HYKK: variants seen among roughly 807,000 people sequenced by gnomAD.
HYKK encodes 5-hydroxy-L-lysine kinase.
In HYKK, 19 loss-of-function variants were observed where a neutral mutation model predicts 29.7. That is an observed-to-expected ratio of 0.64 (90% CI 0.45 to 0.94). The LOEUF is 0.94. Among genes scored for constraint, HYKK ranks in the 40% least tolerant of loss-of-function variants. HYKK has a pLI of 0.00. For synonymous variants in HYKK, 152 were observed against 158.1 expected, an observed-to-expected ratio of 0.96 and a Z score of 0.29; for missense variants, 390 against 443.4, an observed-to-expected ratio of 0.88 and a Z score of 1.08.
chr15:78,529,044 C>T (rs1178458920), intron 4 of HYKK, among the ~76,000 whole-genome samples: 1 of 152,114 alleles, frequency 6.6e-6, no homozygotes, highest in African/African-American at 2.4e-5. Context: ...TCACTTTGTG[C>T]TTTCTCTCAT....
At chr15:78,523,026 A>T (rs1453444763) in intron 3 of HYKK, among the ~76,000 whole-genome samples, 1 of 152,248 alleles carries the variant, frequency 6.6e-6, no homozygotes, top group African/African-American at 2.4e-5. Flanking sequence ...TTAGAGAGGC[A>T]GAGGCAGATT....
Position 78,533,572 on chromosome 15 carries a change from T to G in HYKK, c.1024T>G (p.Trp342Gly), listed in dbSNP as rs2052333620. ...DYLMVTAKTG[W>G]KHLQQMFDMG... ...TCTCATGGTTACTGCAAAAACCGGG[T>G]GGAAACACTTACAGCAAATGTTTGA... Residue 342 changes from tryptophan (W) to glycine (G), a missense_variant, in exon 5 of 5, where the codon TGG becomes GGG. Transcript: ENST00000388988. The G allele has an allele frequency of 6.2e-7, 1 of 1,614,166 alleles. No homozygotes were observed. The highest frequency in any genetic ancestry group is 8.5e-7 in the Non-Finnish European group (1 of 1,180,014).
At chr15:78,522,434 C>T (rs2052206411) in intron 3 of HYKK, among the ~76,000 whole-genome samples, 1 of 150,534 alleles carries the variant, frequency 6.6e-6, no homozygotes, top group African/African-American at 2.4e-5. Context: ...TGGTGTGTGC[C>T]TGTAATCCCA....
intron 3 of HYKK, among the ~76,000 whole-genome samples, chr15:78,517,405 C>G (rs143451221): frequency 6.6e-6 from 1 of 151,952 alleles, no homozygotes; most frequent in Admixed American, 6.6e-5. Context: ...ATGGCAAAAC[C>G]CTGTCTCTAC....
Position 78,533,307 on chromosome 15 carries a change from C to T in HYKK, c.759C>T (p.Asp253=). 4.3e-6 allele frequency: 7 copies of T among 1,614,090 alleles called. No individual in the cohort carries two copies. Among genetic ancestry groups the T allele is most frequent in the Non-Finnish European group, 5.9e-6 (7 of 1,179,924 alleles). Residue 253 remains aspartate (D), a synonymous_variant, in exon 5 of 5, where the codon GAC becomes GAT. Coordinates refer to ENST00000388988, the MANE Select transcript of HYKK (RefSeq NM_001013619.4). The part of the protein sequence containing the change: ...NAEYQVSGIL[D]FGDMSYGYYV... ...AATATCAAGTGTCTGGGATTTTAGACTTTGGTGACATGAGCTATGGCTACT... is the reference window on the plus strand; with the variant it reads ...AATATCAAGTGTCTGGGATTTTAGATTTTGGTGACATGAGCTATGGCTACT...
chr15:78,531,433 A>G (rs988270336), intron 4 of HYKK, among the ~76,000 whole-genome samples: 6 of 152,140 alleles, frequency 3.9e-5, no homozygotes, highest in Non-Finnish European at 7.4e-5. Flanking sequence ...TTTTCTAACA[A>G]TTATTGAGTA....
At chr15:78,532,306 G>C (rs1294749661) in intron 4 of HYKK, among the ~76,000 whole-genome samples, 1 of 152,120 alleles carries the variant, frequency 6.6e-6, no homozygotes, top group Non-Finnish European at 1.5e-5. Flanking sequence ...CACACTCTTG[G>C]ATGTCATATC....
downstream of HYKK, chr15:78,537,165 G>A (rs1339944175): frequency 6.9e-6 from 3 of 437,682 alleles, no homozygotes; most frequent in Non-Finnish European, 1.3e-5. Context: ...GGACTTCCTA[G>A]CCTCCATAAT....
intron 3 of HYKK, among the ~76,000 whole-genome samples, chr15:78,515,897 T>G (rs1171590501): frequency 1.3e-5 from 2 of 152,188 alleles, no homozygotes; most frequent in Non-Finnish European, 2.9e-5. Flanking sequence ...CCAAAAATTT[T>G]TTTTAAATTA....
chr15:78,525,377 C>G (rs915640552), intron 3 of HYKK, among the ~76,000 whole-genome samples: 1 of 151,996 alleles, frequency 6.6e-6, no homozygotes, highest in Non-Finnish European at 1.5e-5. Context: ...AGGATGGTCT[C>G]GATCTCCTGA....
rs1349268233 is a variant in HYKK at position 78,533,673 on chromosome 15, G to C, written c.*3G>C. On this transcript the variant is annotated 3_prime_UTR_variant, in exon 5 of 5. Transcript: ENST00000388988. ...ATGAATCTGGGATCTCCATGTGACT[G>C]AGATCTCCATGTGACTCAAAGTTCA... 1.1e-5 allele frequency: 18 copies of C among 1,602,292 alleles called. No homozygotes were observed. The highest frequency in any genetic ancestry group is 1.3e-5 in the Non-Finnish European group (15 of 1,169,772).
chr15:78,514,168 T>G lies in HYKK; in HGVS notation c.337+743T>G, dbSNP rs183254979. Among the ~76,000 whole-genome samples, 194 of 152,150 alleles carry G rather than the reference T, an allele frequency of 1.3e-3. 1 individual carries two copies. The highest frequency in any genetic ancestry group is 2.3e-3 in the Non-Finnish European group (156 of 67,988). Reference sequence around the variant, plus strand: ...TTTAGAGAAGCTATAAATTCTGGTGTTGTGGTATAGTAGAAAGAATATAAT... The same window carrying G: ...TTTAGAGAAGCTATAAATTCTGGTGGTGTGGTATAGTAGAAAGAATATAAT... On this transcript the variant is annotated intron_variant, in intron 2 of 4. Transcript: ENST00000388988.
rs2052356406 is a variant in HYKK at position 78,535,710 on chromosome 15, T to C, written c.*2040T>C. 6.6e-6 allele frequency: 1 copy of C among 152,184 alleles called. No individual in the cohort carries two copies. Among genetic ancestry groups the C allele is most frequent in the Non-Finnish European group, 1.5e-5 (1 of 68,066 alleles). 9.4% of individuals were successfully genotyped at this position (152,184 alleles called of 1,614,324 possible). Reference sequence around the variant, plus strand: ...CTGTCTTTACTGGATTTTTTGTTTGTTTTGGGCTTTTTTGTTTGTTTGTTT... The same window carrying C: ...CTGTCTTTACTGGATTTTTTGTTTGCTTTGGGCTTTTTTGTTTGTTTGTTT... On this transcript the variant is annotated 3_prime_UTR_variant, in exon 5 of 5. Transcript: ENST00000388988.
chr15:78,527,978 G>A (rs1038061577), intron 4 of HYKK: 10 of 161,572 alleles, frequency 6.2e-5, no homozygotes, highest in Non-Finnish European at 1.2e-4. Context: ...CTGCTAAATA[G>A]TATTCCATAG....
At chr15:78,509,902 A>G (rs1225612168) in intron 1 of HYKK, among the ~76,000 whole-genome samples, 10 of 152,212 alleles carry the variant, frequency 6.6e-5, no homozygotes, top group Admixed American at 6.5e-4. Context: ...ATGATTGTCA[A>G]GAAGGCATTA....
At chr15:78,532,511 G>A (rs2052322131) in intron 4 of HYKK, among the ~76,000 whole-genome samples, 1 of 152,166 alleles carries the variant, frequency 6.6e-6, no homozygotes, top group Non-Finnish European at 1.5e-5. Context: ...AATCCTAGCT[G>A]AGGCCAGTCA....
Position 78,508,873 on chromosome 15 carries a change from C to T in HYKK, c.-6+1202C>T, listed in dbSNP as rs2052041486. ...AGCCTGGGCAACATAGTGGGACCCT[C>T]TCTCTCCAAAAAAAAAAAAAAAAAA... On this transcript the variant is annotated intron_variant, in intron 1 of 4. Coordinates refer to ENST00000388988, the MANE Select transcript of HYKK (RefSeq NM_001013619.4). Among the ~76,000 whole-genome samples, 17 of 21,002 alleles carry T rather than the reference C, an allele frequency of 8.1e-4. No homozygotes were observed. In the Admixed American group the frequency reaches 0.014, roughly 17 times the overall value. The allele number at this position is 21,002 out of a possible 152,430, so 13.8% of individuals were successfully genotyped here.
chr15:78,508,597 G>A (rs1032067488), intron 1 of HYKK, among the ~76,000 whole-genome samples: 1 of 152,022 alleles, frequency 6.6e-6, no homozygotes, highest in African/African-American at 2.4e-5. Context: ...TTTTTCAGGA[G>A]CTAAATACTG....
At chr15:78,530,354 C>T (rs1351251529) in intron 4 of HYKK, among the ~76,000 whole-genome samples, 1 of 152,020 alleles carries the variant, frequency 6.6e-6, no homozygotes, top group East Asian at 1.9e-4. Context: ...GCGTGTGCCA[C>T]CATGCCTGGC....
Sources: allele counts gnomAD v4.1 joint callset (sites outside exome capture counted in the v4.1 genomes callset), GRCh38; gene constraint gnomAD v4.1.1; transcripts MANE v1.5; gene names NCBI Gene and HGNC (gene_info 2026-07-23, HGNC 2026-07-21).